The following SLC16A1 variants were observed in gnomAD, a reference collection of about 807,000 sequenced individuals.
The protein encoded by SLC16A1 is monocarboxylate transporter 1.
In SLC16A1, 11 loss-of-function variants were observed where a neutral mutation model predicts 32.2. The ratio of observed to expected loss-of-function variants is 0.34; its 90% CI spans 0.21 to 0.56. The LOEUF is 0.56. Ranked by LOEUF, SLC16A1 falls within the 20% of genes least tolerant of loss-of-function variation. The pLI, the probability that SLC16A1 is intolerant of heterozygous loss-of-function variation, is 0.87. For missense variants in SLC16A1, 435 were observed against 615.0 expected (o/e 0.71, Z 3.10); for synonymous variants, 231 against 226.8 (o/e 1.02, Z -0.17).
At chr1:112,936,326 G>A (rs1311777303) in intron 1 of SLC16A1, among the ~76,000 whole-genome samples, 1 of 151,890 alleles carries the variant, frequency 6.6e-6, no homozygotes, top group Admixed American at 6.6e-5. Context: ...TGGTCAAAAT[G>A]GTGAAACCCC....
rs1450584549 is a variant in SLC16A1 at position 112,912,936 on chromosome 1, A to G, written c.*955T>C. The stretch of plus-strand genomic sequence containing the variant: ...AAAATTCCAGGAAAAAAAAATTCCA[A>G]TAGCTTCACAGTTTAACTGAGGTTT... On this transcript the variant is annotated 3_prime_UTR_variant, in exon 5 of 5. Coordinates refer to ENST00000369626, the MANE Select transcript of SLC16A1 (RefSeq NM_003051.4). The G allele has an allele frequency of 6.6e-6, 1 of 152,208 alleles. No individual in the cohort carries two copies. The highest frequency in any genetic ancestry group is 1.9e-4 in the East Asian group (1 of 5,202). 9.4% of individuals were successfully genotyped at this position (152,208 alleles called of 1,614,324 possible). A position where few individuals can be genotyped will look rare whatever the true frequency, so the allele number is the denominator to read the frequency against.
At chr1:112,931,690 C>T (rs1419708631) in intron 1 of SLC16A1, among the ~76,000 whole-genome samples, 2 of 143,620 alleles carry the variant, frequency 1.4e-5, no homozygotes, top group African/African-American at 5.1e-5. Context: ...TCAAAGATAA[C>T]TCCTTTGTCT....
At position 112,921,685 on chromosome 1, in the gene SLC16A1, T is replaced by A. The variant is rs7556664; in HGVS notation, c.361+305A>T. Among the ~76,000 whole-genome samples, 99,520 of 152,018 alleles carry A rather than the reference T, an allele frequency of 0.65. 33,926 individuals are homozygous for A. The highest frequency in any genetic ancestry group is 0.86 in the African/African-American group (35,556 of 41,502). ...ATGTTATGTGGACATTCTATCAAATTGCCACTCTCGCACCAAGTTGCCACA... is the reference window on the plus strand; with the variant it reads ...ATGTTATGTGGACATTCTATCAAATAGCCACTCTCGCACCAAGTTGCCACA... On this transcript the variant is annotated intron_variant, in intron 3 of 4. Coordinates refer to ENST00000369626, the MANE Select transcript of SLC16A1 (RefSeq NM_003051.4).
At chr1:112,941,901 C>A (rs1405518987) in intron 1 of SLC16A1, among the ~76,000 whole-genome samples, 2 of 152,166 alleles carry the variant, frequency 1.3e-5, no homozygotes, top group Non-Finnish European at 2.9e-5. Context: ...GAGGGTTTCT[C>A]CAGCATAAAC....
intron 2 of SLC16A1, among the ~76,000 whole-genome samples, chr1:112,923,267 C>CG (rs60507342): frequency 2.6e-5 from 4 of 152,064 alleles, no homozygotes. Context: ...TGCGGTGAGC[C>CG]ATTGCACTCC....
chr1:112,924,128 C>T, intron 2 of SLC16A1: 3 of 1,409,206 alleles, frequency 2.1e-6, no homozygotes, highest in Non-Finnish European at 1.0e-6. Flanking sequence ...GCGCCAGCGC[C>T]CCCAGCATGA....
intron 2 of SLC16A1, among the ~76,000 whole-genome samples, chr1:112,926,825 G>A (rs764037465): frequency 4.0e-5 from 6 of 151,830 alleles, no homozygotes; most frequent in Non-Finnish European, 7.4e-5. Context: ...GCTACAGTTA[G>A]TGGTGATTGT....
intron 2 of SLC16A1, chr1:112,924,332 C>G: frequency 7.5e-7 from 1 of 1,325,896 alleles, no homozygotes; most frequent in Non-Finnish European, 1.1e-6. Flanking sequence ...AATGTCCCAA[C>G]TACTTCCACT....
At chr1:112,924,450 T>C in intron 2 of SLC16A1, 11 of 836,764 alleles carry the variant, frequency 1.3e-5, no homozygotes, top group Non-Finnish European at 2.0e-5. Context: ...ATGGAAGTAT[T>C]TGGACAAAAA....
intron 1 of SLC16A1, among the ~76,000 whole-genome samples, chr1:112,951,699 C>T (rs1023437144): frequency 6.6e-6 from 1 of 152,084 alleles, no homozygotes; most frequent in African/African-American, 2.4e-5. Flanking sequence ...ATACTAAAAG[C>T]CATTTGAAAT....
intron 1 of SLC16A1, among the ~76,000 whole-genome samples, chr1:112,951,240 G>C (rs373968470): frequency 1.3e-5 from 2 of 152,014 alleles, no homozygotes; most frequent in African/African-American, 4.8e-5. Flanking sequence ...AATGAAAAGT[G>C]GGGGGTTGGA....
At chr1:112,948,861 C>T (rs946029971) in intron 1 of SLC16A1, among the ~76,000 whole-genome samples, 1 of 144,352 alleles carries the variant, frequency 6.9e-6, no homozygotes, top group South Asian at 2.2e-4. Flanking sequence ...GACAGAGTCT[C>T]GCTCTGTTGC....
chr1:112,934,058 C>T (rs1254044593), intron 1 of SLC16A1, among the ~76,000 whole-genome samples: 2 of 152,006 alleles, frequency 1.3e-5, no homozygotes, highest in South Asian at 2.1e-4. Context: ...ATTTTAAAAG[C>T]GTTCTGTTAA....
At chr1:112,955,537 T>C (rs1650054162) in intron 1 of SLC16A1, 1 of 152,210 alleles carries the variant, frequency 6.6e-6, no homozygotes, top group African/African-American at 2.4e-5. Context: ...AGTCACCAGG[T>C]GGGGCAAGGA....
At position 112,917,650 on chromosome 1, in the gene SLC16A1, G is replaced by A. The variant is rs1469753557; in HGVS notation, c.756C>T (p.Phe252=). The A allele has an allele frequency of 6.2e-7, 1 of 1,614,118 alleles. No homozygotes were observed. Among genetic ancestry groups the A allele is most frequent in the Non-Finnish European group, 8.5e-7 (1 of 1,180,050 alleles). ...KRSVFQTINQ[F]LDLTLFTHRG... is the part of the protein sequence containing the mutation. ...TGTGGGTGAATAGGGTTAAGTCCAGGAACTGATTAATTGTTTGGAAGACTG... is the reference window on the plus strand; with the variant it reads ...TGTGGGTGAATAGGGTTAAGTCCAGAAACTGATTAATTGTTTGGAAGACTG... The change falls in exon 4 of 5, where the codon TTC becomes TTT. Residue 252 remains phenylalanine (F), a synonymous_variant. Coordinates refer to ENST00000369626, the MANE Select transcript of SLC16A1 (RefSeq NM_003051.4). The surrounding 1 kb of genome is among the most constrained non-coding windows in gnomAD (Gnocchi z 4.1).
chr1:112,929,244 A>T lies in SLC16A1; in HGVS notation c.65T>A (p.Val22Glu). Residue 22 changes from valine (V) to glutamate (E), a missense_variant, in exon 2 of 5, where the codon GTG becomes GAG. This residue lies in a region of SLC16A1 where 324 missense variants were observed against 500.3 expected (regional missense o/e 0.65). Coordinates refer to ENST00000369626, the MANE Select transcript of SLC16A1 (RefSeq NM_003051.4). ...TPPDGGWGWA[V>E]VIGAFISIGF... ...GATGGAAATGAAAGCTCCAATTACC[A>T]CTGCCCAGCCCCAGCCTCCATCTGG... 6.2e-7 allele frequency: 1 copy of T among 1,614,134 alleles called. No homozygotes were observed. The highest frequency in any genetic ancestry group is 8.5e-7 in the Non-Finnish European group (1 of 1,180,018).
At chr1:112,924,537 A>ACCTGAGACCTTT (rs1648865702) in intron 2 of SLC16A1, among the ~76,000 whole-genome samples, 1 of 152,240 alleles carries the variant, frequency 6.6e-6, no homozygotes, top group East Asian at 1.9e-4. Flanking sequence ...GCATTGCTAT[A>ACCTGAGACCTTT]AAAGAATACC....
chr1:112,926,050 TTAAC>T (rs1012378949), intron 2 of SLC16A1, among the ~76,000 whole-genome samples: 3 of 152,206 alleles, frequency 2.0e-5, no homozygotes, highest in East Asian at 3.8e-4. Context: ...GAATAAAAAA[TTAAC>T]TAATATATGT....
At chr1:112,948,107 C>T (rs1468237384) in intron 1 of SLC16A1, among the ~76,000 whole-genome samples, 1 of 152,102 alleles carries the variant, frequency 6.6e-6, no homozygotes, top group Non-Finnish European at 1.5e-5. Flanking sequence ...ATAATCCCAG[C>T]TACTTGGGAG....
Sources: allele counts gnomAD v4.1 joint callset (sites outside exome capture counted in the v4.1 genomes callset), GRCh38; gene constraint gnomAD v4.1.1; regional missense constraint gnomAD v4.1.1; non-coding constraint Gnocchi (gnomAD v3.1); transcripts MANE v1.5; gene names NCBI Gene and HGNC (gene_info 2026-07-23, HGNC 2026-07-21).